The following COX16 variants were observed in gnomAD, a reference collection of about 807,000 sequenced individuals.
COX16 encodes the protein cytochrome c oxidase assembly factor COX16.
In COX16, 12 loss-of-function variants were observed where a neutral mutation model predicts 15.4. The observed-to-expected ratio is 0.78, with a 90% CI of 0.50 to 1.26. COX16 has a LOEUF of 1.26. Among genes scored for constraint, COX16 ranks in the 50% most tolerant of loss-of-function variants. The pLI, the probability that COX16 is intolerant of heterozygous loss-of-function variation, is 0.00. For synonymous variants in COX16, 46 were observed against 41.1 expected, an observed-to-expected ratio of 1.12 and a Z score of -0.46; for missense variants, 124 against 127.6, an observed-to-expected ratio of 0.97 and a Z score of 0.14.
intron 1 of COX16, among the ~76,000 whole-genome samples, chr14:70,349,556 C>G (rs1886882965): frequency 6.6e-6 from 1 of 152,208 alleles, no homozygotes; most frequent in African/African-American, 2.4e-5. Flanking sequence ...ACACACCCTA[C>G]AGGCCTCAAT....
At chr14:70,351,170 TCCC>T (rs1886942296) in intron 1 of COX16, among the ~76,000 whole-genome samples, 1 of 152,088 alleles carries the variant, frequency 6.6e-6, no homozygotes, top group Admixed American at 6.5e-5. Flanking sequence ...TTTATGTCTT[TCCC>T]CCCAATATAA....
chr14:70,334,011 G>A (rs1886369930), intron 2 of COX16, among the ~76,000 whole-genome samples: 1 of 152,154 alleles, frequency 6.6e-6, no homozygotes, highest in Admixed American at 6.5e-5. Context: ...TTCAGAAATG[G>A]AGAGATGAAA....
At chr14:70,334,942 T>C (rs1886403891) in intron 2 of COX16, among the ~76,000 whole-genome samples, 1 of 152,094 alleles carries the variant, frequency 6.6e-6, no homozygotes, top group Non-Finnish European at 1.5e-5. Flanking sequence ...CCCAAGTATA[T>C]GCTGCCTATA....
chr14:70,354,066 AC>A (rs1321896588), intron 1 of COX16, among the ~76,000 whole-genome samples: 2 of 152,032 alleles, frequency 1.3e-5, no homozygotes, highest in Admixed American at 6.6e-5. Context: ...AATCCCAACT[AC>A]GCCGGAGGCT....
At chr14:70,351,552 A>C (rs1886954975) in intron 1 of COX16, among the ~76,000 whole-genome samples, 1 of 152,170 alleles carries the variant, frequency 6.6e-6, no homozygotes, top group Non-Finnish European at 1.5e-5. Flanking sequence ...TTTACCATCT[A>C]TATATAATAA....
intron 1 of COX16, among the ~76,000 whole-genome samples, chr14:70,344,318 TG>T (rs1886711089): frequency 6.6e-6 from 1 of 152,246 alleles, no homozygotes; most frequent in South Asian, 2.1e-4. Flanking sequence ...GGAGTCTTTT[TG>T]GGAAAGGGCT....
chr14:70,350,061 C>G (rs1165772204), intron 1 of COX16, among the ~76,000 whole-genome samples: 2 of 152,166 alleles, frequency 1.3e-5, no homozygotes, highest in East Asian at 3.9e-4. Flanking sequence ...GAAAGTCATC[C>G]CTTTTCCCTT....
chr14:70,336,838 C>A (rs1462987482), intron 2 of COX16, among the ~76,000 whole-genome samples: 1 of 152,162 alleles, frequency 6.6e-6, no homozygotes, highest in African/African-American at 2.4e-5. Context: ...TCTTTATTTT[C>A]TGTACAAAAT....
chr14:70,351,137 C>T (rs2140744212), intron 1 of COX16, among the ~76,000 whole-genome samples: 1 of 152,274 alleles, frequency 6.6e-6, no homozygotes, highest in East Asian at 1.9e-4. Flanking sequence ...TGCCTGAACT[C>T]AAAGGGTACA....
At chr14:70,359,278 C>CA (rs915254515) in intron 1 of COX16, 1 of 614,626 alleles carries the variant, frequency 1.6e-6, no homozygotes, top group South Asian at 1.5e-5. Context: ...GCCACGCTCA[C>CA]AAGCAGACAG....
At chr14:70,353,405 T>C (rs1310172146) in intron 1 of COX16, among the ~76,000 whole-genome samples, 2 of 148,690 alleles carry the variant, frequency 1.3e-5, no homozygotes, top group African/African-American at 4.9e-5. Context: ...TATATATATA[T>C]ACATACACAT....
intron 2 of COX16, among the ~76,000 whole-genome samples, chr14:70,329,739 A>AAT (rs1886220323): frequency 6.7e-6 from 1 of 149,948 alleles, no homozygotes; most frequent in Non-Finnish European, 1.5e-5. Context: ...AAAAAAAAAA[A>AAT]TCCATAGAGG....
intron 1 of COX16, among the ~76,000 whole-genome samples, chr14:70,345,921 C>T (rs941264996): frequency 5.9e-5 from 9 of 151,912 alleles, no homozygotes; most frequent in Non-Finnish European, 1.2e-4. Flanking sequence ...GTTGTCTTCT[C>T]AGCTGCCATC....
chr14:70,342,618 T>C (rs549447009), intron 2 of COX16, 40 bp downstream of exon 2: 61 of 1,596,610 alleles, frequency 3.8e-5, no homozygotes, highest in Admixed American at 3.0e-4. Flanking sequence ...AGAACATACA[T>C]ATAGACAGAC....
chr14:70,342,707 A>C lies in COX16; in HGVS notation c.92T>G (p.Phe31Cys). The change falls in exon 2 of 4, where the codon TTT becomes TGT. Residue 31 changes from phenylalanine (F) to cysteine (C), a missense_variant. By Grantham distance (205) the Phe-to-Cys change is radical. Coordinates refer to ENST00000389912, the MANE Select transcript of COX16 (RefSeq NM_016468.7). ...PMLLLIVGGS[F>C]GLREFSQIRY... ...GATTTGAGAAAACTCACGAAGACCA[A>C]AAGAACCTCCAACAATCAGCAACTA... 6.2e-7 allele frequency: 1 copy of C among 1,613,146 alleles called. No individual in the cohort carries two copies. The highest frequency in any genetic ancestry group is 8.5e-7 in the Non-Finnish European group (1 of 1,179,762).
chr14:70,329,645 TAAC>T (rs1886215762), intron 2 of COX16, among the ~76,000 whole-genome samples: 1 of 113,772 alleles, frequency 8.8e-6, no homozygotes, highest in Non-Finnish European at 1.9e-5. Context: ...TATGGAGAAA[TAAC>T]AAAAATACTA....
At chr14:70,333,454 A>G (rs926813458) in intron 2 of COX16, among the ~76,000 whole-genome samples, 1 of 152,232 alleles carries the variant, frequency 6.6e-6, no homozygotes, top group African/African-American at 2.4e-5. Context: ...AAAATGCACT[A>G]CAAAGCATCA....
chr14:70,353,238 T>C (rs1887016232), intron 1 of COX16, among the ~76,000 whole-genome samples: 1 of 136,550 alleles, frequency 7.3e-6, no homozygotes, highest in African/African-American at 2.8e-5. Context: ...TCCAGCCTGG[T>C]GACAGAGTGA....
chr14:70,355,033 T>C (rs762357122), intron 1 of COX16, among the ~76,000 whole-genome samples: 11 of 152,168 alleles, frequency 7.2e-5, no homozygotes, highest in Non-Finnish European at 1.5e-4. Flanking sequence ...GGATCCAGCA[T>C]AAAAATGCTA....
Sources: gnomAD v4.1 joint callset for allele counts (sites outside exome capture counted in the v4.1 genomes callset) on GRCh38, gnomAD v4.1.1 for gene constraint, MANE v1.5 for transcripts, NCBI Gene and HGNC (gene_info 2026-07-23, HGNC 2026-07-21) for gene names.